Variants in ELAVL2 observed in about 807,000 individuals in gnomAD.
ELAVL2 encodes ELAV like RNA binding protein 2.
In ELAVL2, 4 loss-of-function variants were observed where a neutral mutation model predicts 34.6. That is an observed-to-expected ratio of 0.12 (90% confidence interval 0.06 to 0.26). The LOEUF is 0.26. ELAVL2 is among the 10% of genes least tolerant of loss of function. The pLI, the probability that ELAVL2 is intolerant of heterozygous loss-of-function variation, is 1.00. For synonymous variants in ELAVL2, 193 were observed against 154.8 expected (o/e 1.25, Z -1.83); for missense variants, 432 against 442.8 (o/e 0.98, Z 0.22).
At chr9:23,841,586 G>C in the ELAVL2 span, among the ~76,000 whole-genome samples, 3 of 152,254 alleles carry the variant, frequency 2.0e-5, no homozygotes, top group African/African-American at 7.2e-5. Context: ...AAATGACTCT[G>C]CAATGTAAAT....
intron 3 of ELAVL2, among the ~76,000 whole-genome samples, chr9:23,727,970 C>G (rs1221615591): frequency 6.6e-6 from 1 of 152,094 alleles, no homozygotes; most frequent in East Asian, 1.9e-4. Flanking sequence ...TTGGAGTACA[C>G]AAACACTTGT....
At chr9:23,704,151 TGAAC>T (rs2038498193) in intron 4 of ELAVL2, among the ~76,000 whole-genome samples, 1 of 151,730 alleles carries the variant, frequency 6.6e-6, no homozygotes, top group Non-Finnish European at 1.5e-5. Context: ...ACGCTGGTCT[TGAAC>T]TCCCAGCCTC....
intron 1 of ELAVL2, among the ~76,000 whole-genome samples, chr9:23,799,135 T>C (rs2061302603): frequency 6.6e-6 from 1 of 152,176 alleles, no homozygotes; most frequent in Non-Finnish European, 1.5e-5. Context: ...TAAGAAAATC[T>C]AATGCAATCT....
chr9:23,698,538 C>A (rs1038316120), intron 5 of ELAVL2, among the ~76,000 whole-genome samples: 2 of 152,094 alleles, frequency 1.3e-5, no homozygotes, highest in Admixed American at 1.3e-4. Context: ...TCTCTCAACT[C>A]CCAAGGTACT....
chr9:23,824,687 C>G (rs1564616732), intron 1 of ELAVL2, among the ~76,000 whole-genome samples: 1 of 152,210 alleles, frequency 6.6e-6, no homozygotes, highest in Non-Finnish European at 1.5e-5. Flanking sequence ...CCCACATCTA[C>G]CCTGGATCCT....
At chr9:23,828,823 G>T (rs183503430), upstream of ELAVL2, among the ~76,000 whole-genome samples, 1 of 152,194 alleles carries the variant, frequency 6.6e-6, no homozygotes, top group East Asian at 1.9e-4. Context: ...TAAGCAACAT[G>T]TACTTTTTCA....
chr9:23,824,023 C>G (rs1277310323), intron 1 of ELAVL2, among the ~76,000 whole-genome samples: 2 of 152,132 alleles, frequency 1.3e-5, no homozygotes, highest in Non-Finnish European at 2.9e-5. Context: ...GGGGAAGGGA[C>G]AGAATCCGTG....
intron 1 of ELAVL2, among the ~76,000 whole-genome samples, chr9:23,794,056 G>C (rs2060626876): frequency 6.6e-6 from 1 of 152,172 alleles, no homozygotes; most frequent in African/African-American, 2.4e-5. Context: ...TAAAATTCTA[G>C]AAGAGCTTTA....
intron 3 of ELAVL2, 149 bp downstream of exon 3, chr9:23,730,872 TC>T (rs1587828820): frequency 1.5e-6 from 1 of 669,314 alleles, no homozygotes; most frequent in East Asian, 2.8e-5. Flanking sequence ...AACAGTTTCT[TC>T]CATCTTGCAA....
chr9:23,784,728 G>A (rs1312816348), intron 1 of ELAVL2, among the ~76,000 whole-genome samples: 1 of 152,194 alleles, frequency 6.6e-6, no homozygotes, highest in Non-Finnish European at 1.5e-5. Flanking sequence ...AACTAGGTAG[G>A]TGCAGAGGTG....
intron 2 of ELAVL2, among the ~76,000 whole-genome samples, chr9:23,750,055 A>T (rs1418139479): frequency 6.6e-6 from 1 of 152,044 alleles, no homozygotes; most frequent in Non-Finnish European, 1.5e-5. Context: ...AGACTCTTTA[A>T]AAGTCGGTTG....
At chr9:23,790,043 A>G (rs545327530) in intron 1 of ELAVL2, among the ~76,000 whole-genome samples, 1 of 152,064 alleles carries the variant, frequency 6.6e-6, no homozygotes, top group East Asian at 1.9e-4. Flanking sequence ...GATACACAAA[A>G]TGACAGGTTG....
chr9:23,794,124 T>C (rs2060634624), intron 1 of ELAVL2, among the ~76,000 whole-genome samples: 1 of 152,224 alleles, frequency 6.6e-6, no homozygotes, highest in South Asian at 2.1e-4. Context: ...CACCCAGAGA[T>C]ACTCCAATGT....
At chr9:23,817,893 T>C (rs1053643293) in intron 1 of ELAVL2, among the ~76,000 whole-genome samples, 15 of 152,348 alleles carry the variant, frequency 9.8e-5, no homozygotes, top group Middle Eastern at 6.8e-3. Context: ...TTTTAATATG[T>C]AAAAGCCTTA....
At chr9:23,848,507 G>A in the ELAVL2 span, among the ~76,000 whole-genome samples, 1 of 152,142 alleles carries the variant, frequency 6.6e-6, no homozygotes, top group Non-Finnish European at 1.5e-5. Flanking sequence ...GACTTTGGAA[G>A]CTGACTGCAT....
At chr9:23,712,375 T>C (rs1384338199) in intron 3 of ELAVL2, among the ~76,000 whole-genome samples, 5 of 152,184 alleles carry the variant, frequency 3.3e-5, no homozygotes, top group Non-Finnish European at 5.9e-5. Context: ...AGAAGAGCTA[T>C]TCCTAGAAAA....
At position 23,782,330 on chromosome 9, in the gene ELAVL2, T is replaced by G. The variant is rs1022877953; in HGVS notation, c.-15-20081A>C. Among the ~76,000 whole-genome samples, 3 of 152,112 alleles carry G rather than the reference T, an allele frequency of 2.0e-5. No homozygotes were observed. The South Asian group carries it at 6.2e-4, about 32-fold the overall frequency. On this transcript the variant is annotated intron_variant, in intron 1 of 6. Coordinates refer to ENST00000397312, the MANE Select transcript of ELAVL2 (RefSeq NM_004432.5). ...CAGAGTCTTAGCATTCTCAAAAACATGCAAGACCAGCCTGGCCAACATGGT... is the reference window on the plus strand; with the variant it reads ...CAGAGTCTTAGCATTCTCAAAAACAGGCAAGACCAGCCTGGCCAACATGGT...
chr9:23,724,680 G>A (rs2044625995), intron 3 of ELAVL2, among the ~76,000 whole-genome samples: 4 of 152,178 alleles, frequency 2.6e-5, no homozygotes, highest in Admixed American at 1.3e-4. Flanking sequence ...TTATTTAAAT[G>A]TATTGAAGAG....
intron 1 of ELAVL2, among the ~76,000 whole-genome samples, chr9:23,802,682 A>G (rs2061714280): frequency 6.6e-6 from 1 of 152,178 alleles, no homozygotes; most frequent in Admixed American, 6.5e-5. Flanking sequence ...AGTCAAGAGA[A>G]TGCCTTTTCC....
Sources: gnomAD v4.1 joint callset for allele counts (sites outside exome capture counted in the v4.1 genomes callset) on GRCh38, gnomAD v4.1.1 for gene constraint, MANE v1.5 for transcripts, NCBI Gene and HGNC (gene_info 2026-07-23, HGNC 2026-07-21) for gene names.